Variants in ANKFN1 observed in about 807,000 individuals in gnomAD.
The protein encoded by ANKFN1 is ankyrin repeat and fibronectin type-III domain-containing protein 1.
In ANKFN1, 74 loss-of-function variants were observed where a neutral mutation model predicts 108.7. The observed-to-expected ratio is 0.68, with a 90% CI of 0.56 to 0.83. ANKFN1 has a LOEUF of 0.83. Among genes scored for constraint, ANKFN1 ranks in the 40% least tolerant of loss-of-function variants. ANKFN1 has a pLI of 0.00. For missense variants in ANKFN1, 1,505 were observed against 1,382.3 expected (o/e 1.09, Z -1.41); for synonymous variants, 547 against 516.2 (o/e 1.06, Z -0.81).
In ANKFN1 at chr17:56,287,872, C is replaced by T. The variant is rs193082333; in HGVS notation, c.54-38349C>T. On this transcript the variant is annotated intron_variant, in intron 3 of 20. Transcript: ENST00000682825. ...TGGGGTTGGGAGGTTTGCTTTGTTA[C>T]ACAGTGTGGGGATGGGTGCTACATA... Among the ~76,000 whole-genome samples, 6 of 152,246 alleles carry T rather than the reference C, an allele frequency of 3.9e-5. No individual in the cohort carries two copies. In the East Asian group the frequency reaches 1.2e-3, roughly 29 times the overall value.
At chr17:56,474,985 C>T (rs1436744999) in intron 15 of ANKFN1, among the ~76,000 whole-genome samples, 5 of 152,132 alleles carry the variant, frequency 3.3e-5, no homozygotes, top group African/African-American at 9.7e-5. Context: ...TGCACATGCT[C>T]ATTAGATGTT....
At chr17:56,117,716 A>G (rs968973826) in intron 4 of ANKFN1, among the ~76,000 whole-genome samples, 4 of 152,126 alleles carry the variant, frequency 2.6e-5, no homozygotes, top group Non-Finnish European at 4.4e-5. Context: ...CTTGTTCTGT[A>G]AGGTTTCTTT....
At chr17:56,055,454 T>A (rs950607477) in intron 4 of ANKFN1, among the ~76,000 whole-genome samples, 3 of 149,448 alleles carry the variant, frequency 2.0e-5, no homozygotes, top group African/African-American at 7.4e-5. Context: ...TGTGTGTGTG[T>A]GTGTATTATT....
intron 4 of ANKFN1, among the ~76,000 whole-genome samples, chr17:56,095,270 C>T (rs1468864985): frequency 6.6e-6 from 1 of 150,598 alleles, no homozygotes; most frequent in East Asian, 1.9e-4. Flanking sequence ...GGAAACTCAC[C>T]CAGCTGCTTG....
At chr17:56,128,712 C>T (rs895871492) in intron 4 of ANKFN1, among the ~76,000 whole-genome samples, 3 of 152,220 alleles carry the variant, frequency 2.0e-5, no homozygotes, top group South Asian at 4.1e-4. Flanking sequence ...AGTAAAGAAA[C>T]CTATGTCACT....
intron 11 of ANKFN1, among the ~76,000 whole-genome samples, chr17:56,451,251 A>C (rs911734459): frequency 1.3e-5 from 2 of 152,226 alleles, no homozygotes; most frequent in African/African-American, 4.8e-5. Context: ...AGCATTTTCC[A>C]AACTTCTTTA....
intron 4 of ANKFN1, among the ~76,000 whole-genome samples, chr17:56,327,693 G>A (rs1567916661): frequency 6.6e-6 from 1 of 152,138 alleles, no homozygotes; most frequent in Non-Finnish European, 1.5e-5. Flanking sequence ...ATTTGTGCTG[G>A]CTCCCAGATT....
chr17:56,047,023 G>A (rs1186402918), intron 4 of ANKFN1, among the ~76,000 whole-genome samples: 1 of 151,890 alleles, frequency 6.6e-6, no homozygotes, highest in African/African-American at 2.4e-5. Context: ...TTTGCTATCT[G>A]TGAACACTGG....
chr17:56,370,910 A>C (rs1373437833), intron 6 of ANKFN1, among the ~76,000 whole-genome samples: 1 of 150,446 alleles, frequency 6.6e-6, no homozygotes, highest in Non-Finnish European at 1.5e-5. Context: ...AATATTGCCA[A>C]TTTTTCCACT....
At position 56,511,477 on chromosome 17, in the gene ANKFN1, A is replaced by G. The variant is rs1223678041; in HGVS notation, c.*208A>G. 3 of 591,260 alleles carry G rather than the reference A, an allele frequency of 5.1e-6. No individual in the cohort carries two copies. The highest frequency in any genetic ancestry group is 5.8e-6 in the Non-Finnish European group (2 of 342,244). The allele number at this position is 591,260 out of a possible 1,614,324, so 36.6% of individuals were successfully genotyped here. On this transcript the variant is annotated 3_prime_UTR_variant, in exon 21 of 21. Coordinates refer to ENST00000682825, the MANE Select transcript of ANKFN1 (RefSeq NM_001370326.1). ...GCCAGTGCCATTCCCACTTCAGCCT[A>G]GAAAGGGCATGGGGGAGTTGTGTCA...
intron 4 of ANKFN1, among the ~76,000 whole-genome samples, chr17:56,348,055 T>C (rs1475241047): frequency 6.6e-6 from 1 of 151,978 alleles, no homozygotes; most frequent in Non-Finnish European, 1.5e-5. Flanking sequence ...AAGAAAGAGG[T>C]TAAGGCAATC....
At chr17:56,082,710 A>T (rs2143170032) in intron 4 of ANKFN1, among the ~76,000 whole-genome samples, 1 of 152,328 alleles carries the variant, frequency 6.6e-6, no homozygotes, top group East Asian at 1.9e-4. Flanking sequence ...GTCAAGTATT[A>T]TGCTTTGGGG....
intron 4 of ANKFN1, among the ~76,000 whole-genome samples, chr17:56,097,311 A>T (rs946272056): frequency 6.6e-6 from 1 of 152,180 alleles, no homozygotes; most frequent in Non-Finnish European, 1.5e-5. Context: ...AAGATAACCC[A>T]GGTATCCCTG....
At position 56,440,709 on chromosome 17, in the gene ANKFN1, TG is replaced by T. The variant is rs2049074243; in HGVS notation, c.1008+290del. ...CTTTCTGGATCACAGTCTAATCTTC[TG>T]GGGGAAAGCAGGGAGTGGATCAAAG... On this transcript the variant is annotated intron_variant, in intron 9 of 20. Coordinates refer to ENST00000682825, the MANE Select transcript of ANKFN1 (RefSeq NM_001370326.1). Among the ~76,000 whole-genome samples, 2 of 152,058 alleles carry T rather than the reference TG, an allele frequency of 1.3e-5. 1 individual carries two copies. Among genetic ancestry groups the T allele is most frequent in the South Asian group, 4.1e-4 (2 of 4,820 alleles).
chr17:56,195,754 C>T (rs1168926831), intron 1 of ANKFN1, among the ~76,000 whole-genome samples: 3 of 152,212 alleles, frequency 2.0e-5, no homozygotes, highest in Non-Finnish European at 2.9e-5. Flanking sequence ...CTTTGCTCTG[C>T]GAGTTCCTAC....
chr17:56,290,229 A>G (rs553778182), intron 3 of ANKFN1, among the ~76,000 whole-genome samples: 2 of 152,258 alleles, frequency 1.3e-5, no homozygotes, highest in Admixed American at 6.5e-5. Context: ...TTGTTCTACA[A>G]AGGATTTCAG....
intron 1 of ANKFN1, among the ~76,000 whole-genome samples, chr17:56,187,297 A>T (rs1048862400): frequency 6.8e-4 from 104 of 152,356 alleles, no homozygotes; most frequent in African/African-American, 2.4e-3. Context: ...ACACTTCTCA[A>T]AAGAAGACAT....
chr17:56,335,039 T>A (rs967152303), intron 4 of ANKFN1, among the ~76,000 whole-genome samples: 3 of 152,152 alleles, frequency 2.0e-5, no homozygotes, highest in African/African-American at 7.2e-5. Context: ...TGGTCGTACA[T>A]GTGTGGTGTT....
chr17:56,461,203 C>T (rs1236210609), intron 14 of ANKFN1, among the ~76,000 whole-genome samples: 1 of 152,186 alleles, frequency 6.6e-6, no homozygotes, highest in East Asian at 1.9e-4. Context: ...AAGGAAATTT[C>T]TTTTATCCTT....
Sources: gnomAD v4.1 joint callset for allele counts (sites outside exome capture counted in the v4.1 genomes callset) on GRCh38, gnomAD v4.1.1 for gene constraint, MANE v1.5 for transcripts, NCBI Gene and HGNC (gene_info 2026-07-23, HGNC 2026-07-21) for gene names.